The following SCAMP5 variants were observed in gnomAD, a reference collection of about 807,000 sequenced individuals.
SCAMP5 encodes the protein secretory carrier-associated membrane protein 5.
SCAMP5 carries 7 observed loss-of-function variants against 28.3 expected under a neutral mutation model. The ratio of observed to expected loss-of-function variants is 0.25; its 90% CI spans 0.14 to 0.46. The LOEUF (loss-of-function observed/expected upper bound fraction) is 0.46. Ranked by LOEUF, SCAMP5 falls within the 20% of genes least tolerant of loss-of-function variation. The pLI is 0.99. For missense variants in SCAMP5, 192 were observed against 312.5 expected (o/e 0.61, Z 2.91); for synonymous variants, 117 against 116.4 (o/e 1.00, Z -0.03).
Position 75,009,441 on chromosome 15 carries a change from T to TG in SCAMP5, c.-48-2351_-48-2350insG, listed in dbSNP as rs2065790581. Among the ~76,000 whole-genome samples, 13 of 136,146 alleles carry TG rather than the reference T, an allele frequency of 9.5e-5. 1 individual carries two copies. Among genetic ancestry groups the TG allele is most frequent in the South Asian group, 7.5e-4 (3 of 3,986 alleles). 89.3% of individuals were successfully genotyped at this position (136,146 alleles called of 152,430 possible). A position where few individuals can be genotyped will look rare whatever the true frequency, so the allele number is the denominator to read the frequency against. The stretch of plus-strand genomic sequence containing the variant: ...AGAATTTGACTGGAATGCTAGAAGT[T>TG]TGTGTGTGTGTGTGTGTGTGTGTGT... On this transcript the variant is annotated intron_variant, in intron 1 of 6. Coordinates refer to ENST00000425597, the MANE Select transcript of SCAMP5 (RefSeq NM_138967.4).
At chr15:75,013,723 G>A (rs1361912521) in intron 3 of SCAMP5, among the ~76,000 whole-genome samples, 1 of 152,112 alleles carries the variant, frequency 6.6e-6, no homozygotes, top group Non-Finnish European at 1.5e-5. Flanking sequence ...AGCTACTCAG[G>A]GGACTAAGGT....
intron 1 of SCAMP5, among the ~76,000 whole-genome samples, chr15:74,999,251 A>G (rs542703146): frequency 6.6e-6 from 1 of 152,180 alleles, no homozygotes; most frequent in Non-Finnish European, 1.5e-5. Context: ...TCTCCATCTC[A>G]TGAATTGCCT....
rs3057655 is a variant in SCAMP5 at position 75,009,441 on chromosome 15, TTGTGTGTGTGTG to T, written c.-48-2320_-48-2309del. On this transcript the variant is annotated intron_variant, in intron 1 of 6. Coordinates refer to ENST00000425597, the MANE Select transcript of SCAMP5 (RefSeq NM_138967.4). ...AGAATTTGACTGGAATGCTAGAAGT[TTGTGTGTGTGTG>T]TGTGTGTGTGTGTGTGTGTGTGTGT... 1.7e-4 allele frequency among the ~76,000 whole-genome samples: 23 copies of T among 136,146 alleles called. No individual in the cohort carries two copies. The South Asian group carries it at 1.8e-3, about 10-fold the overall frequency. 89.3% of individuals were successfully genotyped at this position (136,146 alleles called of 152,430 possible). A position where few individuals can be genotyped will look rare whatever the true frequency, so the allele number is the denominator to read the frequency against.
chr15:75,001,269 CA>C (rs34325708), intron 1 of SCAMP5, among the ~76,000 whole-genome samples: 9,096 of 58,090 alleles, frequency 0.16, 156 homozygotes, highest in Middle Eastern at 0.36. Flanking sequence ...AGCGAGACTC[CA>C]AAAAAAAAAA....
chr15:75,008,193 T>C (rs73436590), intron 1 of SCAMP5, among the ~76,000 whole-genome samples: 1 of 152,208 alleles, frequency 6.6e-6, no homozygotes, highest in African/African-American at 2.4e-5. Context: ...GGTTTAAGTT[T>C]TTGAAATATG....
In SCAMP5 at chr15:75,011,792, T is replaced by C; in HGVS notation, c.-48T>C. ...TTCTCTGGCTTTTCTTTCCTTGCAG[T>C]TCAGGACAAAGAGGTGTGGGCAGGC... On this transcript the variant is annotated splice_region_variant and 5_prime_UTR_variant, in exon 2 of 7. Coordinates refer to ENST00000425597, the MANE Select transcript of SCAMP5 (RefSeq NM_138967.4). The C allele has an allele frequency of 5.7e-6, 9 of 1,592,096 alleles. No homozygotes were observed. The highest frequency in any genetic ancestry group is 7.8e-6 in the Non-Finnish European group (9 of 1,160,818).
intron 2 of SCAMP5, 117 bp downstream of exon 2, chr15:75,011,963 C>T (rs935698012): frequency 5.1e-6 from 4 of 786,610 alleles, no homozygotes; most frequent in Non-Finnish European, 8.4e-6. Flanking sequence ...TTCCATCTTA[C>T]TGTCCCCAAG....
chr15:75,012,585 CA>C (rs928561809), intron 2 of SCAMP5, 91 bp from the exon 3 acceptor site: 2 of 1,485,428 alleles, frequency 1.3e-6, no homozygotes, highest in African/African-American at 2.8e-5. Context: ...CCACAGGGGC[CA>C]ATGGGGCAGC....
chr15:75,010,968 G>C (rs1429963078), intron 1 of SCAMP5, among the ~76,000 whole-genome samples: 1 of 152,176 alleles, frequency 6.6e-6, no homozygotes. Context: ...ACTTTGGGAG[G>C]CTGAAGCAGG....
intron 1 of SCAMP5, among the ~76,000 whole-genome samples, chr15:75,009,136 A>G (rs2065787906): frequency 6.6e-6 from 1 of 152,110 alleles, no homozygotes; most frequent in Admixed American, 6.6e-5. Flanking sequence ...TAAAATTTTT[A>G]ACAGCTGCAA....
intron 1 of SCAMP5, among the ~76,000 whole-genome samples, chr15:75,002,951 T>C (rs1161728447): frequency 2.0e-5 from 3 of 152,282 alleles, no homozygotes; most frequent in Non-Finnish European, 4.4e-5. Flanking sequence ...TTTTTGGAGA[T>C]TGAGTCTGGC....
At chr15:75,011,685 G>T in intron 1 of SCAMP5, 107 bp from the exon 2 acceptor site, 1 of 525,284 alleles carries the variant, frequency 1.9e-6, no homozygotes. Context: ...GTGGGAGTAT[G>T]TGCTGGGTCC....
chr15:75,011,989 C>T, intron 2 of SCAMP5, 143 bp downstream of exon 2: 2 of 601,610 alleles, frequency 3.3e-6, no homozygotes, highest in Non-Finnish European at 6.0e-6. Context: ...CCCACTCTCT[C>T]CACTGAGGCC....
Position 75,011,904 on chromosome 15 carries a change from C to T in SCAMP5, c.7+58C>T, listed in dbSNP as rs147367331. ...ATGACAGTGAGCATAGCGTGGATGG[C>T]CCTCTTCCTGGTTCCCTTATCTCCC... On this transcript the variant is annotated intron_variant, in intron 2 of 6. Transcript: ENST00000425597. The T allele has an allele frequency of 3.2e-4, 471 of 1,478,254 alleles. 1 individual carries two copies. In the African/African-American group the frequency reaches 5.9e-3, roughly 18 times the overall value. 91.6% of individuals were successfully genotyped at this position (1,478,254 alleles called of 1,614,324 possible). A position where few individuals can be genotyped will look rare whatever the true frequency, so the allele number is the denominator to read the frequency against.
chr15:74,999,976 G>A (rs752214823), intron 1 of SCAMP5, among the ~76,000 whole-genome samples: 1 of 151,990 alleles, frequency 6.6e-6, no homozygotes, highest in African/African-American at 2.4e-5. Context: ...GAAAAAAACA[G>A]GTTATAAAAC....
Position 75,016,729 on chromosome 15 carries a change from G to C in SCAMP5, c.273G>C (p.Arg91=). 6.2e-7 allele frequency: 1 copy of C among 1,613,604 alleles called. No individual in the cohort carries two copies. Among genetic ancestry groups the C allele is most frequent in the Non-Finnish European group, 8.5e-7 (1 of 1,179,766 alleles). ...CCTGCTCCTACGTCTGCTGGTTTCG[G>C]CCCATTTACAAGGCCTTCAAGTAAG... is the stretch of plus-strand genomic sequence containing the variant. ...FTPCSYVCWF[R]PIYKAFKTDS... is the part of the protein sequence containing the mutation. Residue 91 remains arginine, a synonymous_variant, in exon 4 of 7, where the codon CGG becomes CGC. Transcript: ENST00000425597.
intron 3 of SCAMP5, among the ~76,000 whole-genome samples, chr15:75,013,300 G>A (rs2065828872): frequency 6.6e-6 from 1 of 152,190 alleles, no homozygotes; most frequent in Non-Finnish European, 1.5e-5. Context: ...AAGTTTGCCT[G>A]GTCACTGTGC....
chr15:75,008,238 A>G (rs1375072355), intron 1 of SCAMP5, among the ~76,000 whole-genome samples: 1 of 152,090 alleles, frequency 6.6e-6, no homozygotes, highest in Non-Finnish European at 1.5e-5. Flanking sequence ...TATTAAAAAA[A>G]CTTATTAATA....
chr15:75,000,532 G>A (rs1237811765), intron 1 of SCAMP5, among the ~76,000 whole-genome samples: 1 of 151,918 alleles, frequency 6.6e-6, no homozygotes, highest in Non-Finnish European at 1.5e-5. Context: ...CTACGGGCCC[G>A]CCACCAAGCC....
Sources: allele counts gnomAD v4.1 joint callset (sites outside exome capture counted in the v4.1 genomes callset), GRCh38; gene constraint gnomAD v4.1.1; transcripts MANE v1.5; gene names NCBI Gene and HGNC (gene_info 2026-07-23, HGNC 2026-07-21).